The following GATA3 variants were observed in gnomAD, a reference collection of about 807,000 sequenced individuals.
GATA3 encodes the protein trans-acting T-cell-specific transcription factor GATA-3.
In GATA3, 6 loss-of-function variants were observed where a neutral mutation model predicts 36.0. The observed-to-expected ratio is 0.17, with a 90% CI of 0.09 to 0.33. The LOEUF is 0.33. Ranked by LOEUF, GATA3 falls within the 10% of genes least tolerant of loss-of-function variation. The pLI is 1.00. For missense variants in GATA3, 514 were observed against 610.1 expected (o/e 0.84, Z 1.66); for synonymous variants, 326 against 273.0 (o/e 1.19, Z -1.92).
upstream of GATA3, chr10:8,051,275 C>T: frequency 6.2e-6 from 2 of 320,908 alleles, no homozygotes; most frequent in Non-Finnish European, 1.3e-5. Flanking sequence ...CACACATACC[C>T]CGCTCAACTT....
chr10:8,063,502 C>T (rs1362574097), intron 3 of GATA3, among the ~76,000 whole-genome samples: 1 of 152,208 alleles, frequency 6.6e-6, no homozygotes, highest in Non-Finnish European at 1.5e-5. Flanking sequence ...ATTGATGAAT[C>T]CTTCCTTTCC....
At chr10:8,045,857 T>C (rs1832380862) in intron 1 of GATA3, among the ~76,000 whole-genome samples, 1 of 152,182 alleles carries the variant, frequency 6.6e-6, no homozygotes, top group Admixed American at 6.5e-5. Flanking sequence ...GGCAGAGGAT[T>C]GGGGAAAACA....
At chr10:8,047,282 C>G (rs1011276067) in intron 1 of GATA3, among the ~76,000 whole-genome samples, 1 of 152,170 alleles carries the variant, frequency 6.6e-6, no homozygotes, top group Admixed American at 6.5e-5. Flanking sequence ...CAGTTTGCGT[C>G]CTGGAACCAT....
chr10:8,067,335 T>C (rs894942189), intron 4 of GATA3, among the ~76,000 whole-genome samples: 2 of 152,112 alleles, frequency 1.3e-5, no homozygotes, highest in African/African-American at 2.4e-5. Context: ...AAAGAAAGAA[T>C]TTTTTTAAAA....
intron 5 of GATA3, among the ~76,000 whole-genome samples, chr10:8,070,173 T>C (rs1212858794): frequency 6.6e-6 from 1 of 152,158 alleles, no homozygotes; most frequent in Non-Finnish European, 1.5e-5. Context: ...GAACCAACTT[T>C]CACGTGTAGA....
upstream of GATA3, chr10:8,051,164 G>T (rs778663066): frequency 2.0e-6 from 1 of 491,122 alleles, no homozygotes; most frequent in East Asian, 6.0e-5. Flanking sequence ...GCGGGTGGGA[G>T]GGACTTGCAC....
rs1832972770 is a variant in GATA3, at chr10:8,073,889, A to G, written c.1201A>G (p.Met401Val). The G allele has an allele frequency of 2.5e-6, 4 of 1,613,886 alleles. No homozygotes were observed. Among genetic ancestry groups the G allele is most frequent in the Non-Finnish European group, 2.5e-6 (3 of 1,180,002 alleles). The change falls in exon 6 of 6, where the codon ATG becomes GTG. Residue 401 changes from methionine (M) to valine (V), a missense_variant. By Grantham distance (21) the Met-to-Val change is conservative. Coordinates refer to ENST00000379328, the MANE Select transcript of GATA3 (RefSeq NM_001002295.2). ...TAACCCGGCCGCCCTCTCCAGACACATGTCCTCCCTGAGCCACATCTCGCC... is the reference window on the plus strand; with the variant it reads ...TAACCCGGCCGCCCTCTCCAGACACGTGTCCTCCCTGAGCCACATCTCGCC... ...SFNPAALSRH[M>V]SSLSHISPFS...
At chr10:8,056,945 G>C (rs1832649944) in intron 2 of GATA3, among the ~76,000 whole-genome samples, 1 of 152,196 alleles carries the variant, frequency 6.6e-6, no homozygotes, top group African/African-American at 2.4e-5. Context: ...ATTCTGCCCT[G>C]ATTCCCCTAC....
intron 3 of GATA3, among the ~76,000 whole-genome samples, chr10:8,061,828 C>T (rs1453097533): frequency 3.9e-5 from 6 of 152,190 alleles, no homozygotes; most frequent in Non-Finnish European, 8.8e-5. Flanking sequence ...ACCAGGGTGC[C>T]CAGGAGCCGG....
At position 8,074,310 on chromosome 10, in the gene GATA3, T is replaced by G. The variant is rs1037611561; in HGVS notation, c.*287T>G. The G allele has an allele frequency of 2.2e-6, 1 of 444,952 alleles. No homozygotes were observed. The highest frequency in any genetic ancestry group is 4.0e-6 in the Non-Finnish European group (1 of 249,810). The allele number at this position is 444,952 out of a possible 1,614,324, so 27.6% of individuals were successfully genotyped here. ...AAAATGCTGAACATTGCATATAACT[T>G]ATATTGTAAGAAATACTGTACAATG... On this transcript the variant is annotated 3_prime_UTR_variant, in exon 6 of 6. Coordinates refer to ENST00000379328, the MANE Select transcript of GATA3 (RefSeq NM_001002295.2).
In GATA3 at chr10:8,055,152, T is replaced by C; in HGVS notation, c.-369-135T>C. The stretch of plus-strand genomic sequence containing the variant: ...GCTGCAGGGACGTCCCCGAGAGCCC[T>C]GCGGGCTCCGCGGCCGTGTCCCCGC... On this transcript the variant is annotated intron_variant, in intron 1 of 5. Coordinates refer to ENST00000379328, the MANE Select transcript of GATA3 (RefSeq NM_001002295.2). The surrounding 1 kb of genome is among the most constrained non-coding windows in gnomAD (Gnocchi z 5.4). 4.4e-6 allele frequency: 1 copy of C among 225,750 alleles called. No individual in the cohort carries two copies. The highest frequency in any genetic ancestry group is 8.7e-6 in the Non-Finnish European group (1 of 114,902). The allele number at this position is 225,750 out of a possible 1,614,324, so 14.0% of individuals were successfully genotyped here.
At chr10:8,057,801 C>T (rs1283549335) in intron 2 of GATA3, among the ~76,000 whole-genome samples, 1 of 151,720 alleles carries the variant, frequency 6.6e-6, no homozygotes, top group Non-Finnish European at 1.5e-5. Flanking sequence ...GGGTCGTTTT[C>T]TGGTGTGGAG....
chr10:8,070,176 C>A (rs147357082), intron 5 of GATA3, among the ~76,000 whole-genome samples: 298 of 152,246 alleles, frequency 2.0e-3, no homozygotes, highest in Non-Finnish European at 3.5e-3. Flanking sequence ...CCAACTTTCA[C>A]GTGTAGAGAG....
At chr10:8,045,512 C>T (rs767342704) in exon 1 of GATA3, 1 of 152,346 alleles carries the variant, frequency 6.6e-6, no homozygotes, top group Non-Finnish European at 1.5e-5. Flanking sequence ...AGCGAGCTGC[C>T]CAGGTCAGTG....
At position 8,073,705 on chromosome 10, in the gene GATA3, T is replaced by TA. The variant is rs373223232; in HGVS notation, c.1051-16dup. ...GTGCATTTCAGAGGCAGCAAAAAAG[T>TA]AAAAAAAAAAAAAAAAAATTGATCT... On this transcript the variant is annotated intron_variant, in intron 5 of 5. Transcript: ENST00000379328. The TA allele has an allele frequency of 0.074, 100,495 of 1,361,798 alleles. 1 individual carries two copies. Among genetic ancestry groups the TA allele is most frequent in the Non-Finnish European group, 0.083 (85,097 of 1,022,738 alleles). The allele number at this position is 1,361,798 out of a possible 1,614,324, so 84.4% of individuals were successfully genotyped here.
At position 8,073,144 on chromosome 10, in the gene GATA3, C is replaced by CA. The variant is rs11335485; in HGVS notation, c.1051-569dup. Among the ~76,000 whole-genome samples, 414 of 69,938 alleles carry CA rather than the reference C, an allele frequency of 5.9e-3. 10 individuals carry two copies. The highest frequency in any genetic ancestry group is 0.021 in the South Asian group (28 of 1,336). The allele number at this position is 69,938 out of a possible 152,430, so 45.9% of individuals were successfully genotyped here. On this transcript the variant is annotated intron_variant, in intron 5 of 5. Coordinates refer to ENST00000379328, the MANE Select transcript of GATA3 (RefSeq NM_001002295.2). ...TGGGCGACAGCGGGAGACTTCGTCT[C>CA]AAAAAAAAAAAAAAAAAAAAAAAAA... is the stretch of plus-strand genomic sequence containing the variant.
intron 2 of GATA3, among the ~76,000 whole-genome samples, chr10:8,056,495 C>A (rs1029948511): frequency 2.0e-5 from 3 of 152,164 alleles, no homozygotes; most frequent in African/African-American, 7.2e-5. Context: ...TTAGACAGGT[C>A]TCTTACCTCC....
intron 5 of GATA3, 94 bp from the exon 6 acceptor site, chr10:8,073,645 C>A (rs769965366): frequency 7.6e-6 from 10 of 1,315,456 alleles, no homozygotes; most frequent in Admixed American, 2.3e-5. Context: ...TGATCCGGGG[C>A]GGTCAGTGGA....
At chr10:8,050,743 T>C (rs1832463993), upstream of GATA3, 1 of 282,598 alleles carries the variant, frequency 3.5e-6, no homozygotes. Context: ...ATTTGCTGCC[T>C]CGCTGGAAAT....
Sources: gnomAD v4.1 joint callset for allele counts (sites outside exome capture counted in the v4.1 genomes callset) on GRCh38, gnomAD v4.1.1 for gene constraint, Gnocchi (gnomAD v3.1) non-coding constraint, MANE v1.5 for transcripts, NCBI Gene and HGNC (gene_info 2026-07-23, HGNC 2026-07-21) for gene names.